KIF7: variants seen among roughly 807,000 people sequenced by gnomAD.
KIF7 encodes kinesin family member 7.
KIF7 carries 104 observed loss-of-function variants against 135.7 expected under a neutral mutation model. The ratio of observed to expected loss-of-function variants is 0.77; its 90% CI spans 0.65 to 0.90. The LOEUF is 0.90. Ranked by LOEUF, KIF7 falls within the 40% of genes least tolerant of loss-of-function variation. The pLI, the probability that KIF7 is intolerant of heterozygous loss-of-function variation, is 0.00. For missense variants in KIF7, 2,005 were observed against 1,839.1 expected (o/e 1.09, Z -1.65); for synonymous variants, 883 against 809.4 (o/e 1.09, Z -1.54).
chr15:89,659,754 T>C (rs899600612), upstream of KIF7, among the ~76,000 whole-genome samples: 1 of 152,218 alleles, frequency 6.6e-6, no homozygotes, highest in Non-Finnish European at 1.5e-5. Context: ...CTGGTGAGAA[T>C]GTCAATCAGA....
chr15:89,642,823 C>A (rs1309265919), intron 10 of KIF7, among the ~76,000 whole-genome samples: 9 of 152,234 alleles, frequency 5.9e-5, no homozygotes, highest in Admixed American at 3.9e-4. Context: ...CCCACCTTGG[C>A]CTCCCAAAGT....
At chr15:89,653,664 G>A (rs968654657) in intron 1 of KIF7, among the ~76,000 whole-genome samples, 1 of 152,152 alleles carries the variant, frequency 6.6e-6, no homozygotes, top group East Asian at 1.9e-4. Flanking sequence ...TGTAGCCAAG[G>A]CTTCCCAGGT....
intron 9 of KIF7, 34 bp from the exon 10 acceptor site, chr15:89,645,199 A>G (rs1963990381): frequency 6.2e-7 from 1 of 1,605,152 alleles, no homozygotes; most frequent in African/African-American, 1.3e-5. Context: ...TTGCTGCCCC[A>G]ACTGACAGTG....
chr15:89,637,401 TGAAAGG>T (rs1963831688), intron 11 of KIF7, among the ~76,000 whole-genome samples: 1 of 151,484 alleles, frequency 6.6e-6, no homozygotes, highest in Admixed American at 6.6e-5. Flanking sequence ...GCTGGTTTTT[TGAAAGG>T]ATCAACAAAA....
At position 89,645,076 on chromosome 15, in the gene KIF7, T is replaced by TAG; in HGVS notation, c.2127_2128insCT (p.Ile710LeufsTer11). The TAG allele has an allele frequency of 6.2e-7, 1 of 1,605,192 alleles. No individual in the cohort carries two copies. Among genetic ancestry groups the TAG allele is most frequent in the Non-Finnish European group, 8.5e-7 (1 of 1,179,964 alleles). On this transcript the variant is annotated frameshift_variant, in exon 10 of 19. Coordinates refer to ENST00000394412, the MANE Select transcript of KIF7 (RefSeq NM_198525.3). LOFTEE classifies it high-confidence loss of function. ...CGGATGTTGATAGCCAGCTCCCGGATCTTCTGCTGGGCCTGGGCCAGCCGC... is the reference window on the plus strand; with the variant it reads ...CGGATGTTGATAGCCAGCTCCCGGATAGCTTCTGCTGGGCCTGGGCCAGCCGC...
At chr15:89,659,066 G>A (rs1964233107), upstream of KIF7, among the ~76,000 whole-genome samples, 2 of 152,092 alleles carry the variant, frequency 1.3e-5, no homozygotes, top group African/African-American at 4.8e-5. Context: ...CGAAGGGAAA[G>A]AGTGGTAATT....
intron 7 of KIF7, among the ~76,000 whole-genome samples, chr15:89,646,385 G>C (rs1964013359): frequency 6.6e-6 from 1 of 152,118 alleles, no homozygotes; most frequent in African/African-American, 2.4e-5. Flanking sequence ...AGATGACCCA[G>C]GCCTAAAAGC....
chr15:89,640,715 T>A (rs1442264633), intron 11 of KIF7, among the ~76,000 whole-genome samples: 1 of 151,652 alleles, frequency 6.6e-6, no homozygotes, highest in African/African-American at 2.4e-5. Flanking sequence ...CCAGGCACAG[T>A]GGCTCATGCC....
chr15:89,622,944 T>C (rs149864536), intron 1 of KIF7, among the ~76,000 whole-genome samples: 10 of 152,284 alleles, frequency 6.6e-5, no homozygotes, highest in East Asian at 3.9e-4. Context: ...ACCAATCACA[T>C]TGTATTTTCA....
intron 3 of KIF7, 71 bp from the exon 4 acceptor site, chr15:89,649,438 G>A (rs1964087169): frequency 4.9e-6 from 7 of 1,420,858 alleles, no homozygotes; most frequent in Non-Finnish European, 6.5e-6. Flanking sequence ...GGCAGGCAGA[G>A]CAGAACTAGC....
chr15:89,641,201 C>T (rs2142015254), intron 11 of KIF7, among the ~76,000 whole-genome samples: 1 of 151,872 alleles, frequency 6.6e-6, no homozygotes, highest in South Asian at 2.1e-4. Context: ...GTCCTCATGA[C>T]AAGAGGAAGA....
intron 10 of KIF7, among the ~76,000 whole-genome samples, chr15:89,643,085 G>A (rs2142018407): frequency 1.3e-5 from 2 of 149,156 alleles, no homozygotes; most frequent in Non-Finnish European, 3.0e-5. Context: ...CCCAAACGTG[G>A]GGTTTGGGAC....
In KIF7 at chr15:89,633,261, C is replaced by A; in HGVS notation, c.2598G>T (p.Leu866=). 2 of 1,568,450 alleles carry A rather than the reference C, an allele frequency of 1.3e-6. No homozygotes were observed. The highest frequency in any genetic ancestry group is 2.3e-5 in the East Asian group (1 of 43,034). ...MSKRQHRVKE[L]ELKHEQQQKI... ...TCTGCTGTTGCTCATGCTTCAGCTCCAGCTCCTGGGTGAGGAGCTCAGTGG... is the reference window on the plus strand; with the variant it reads ...TCTGCTGTTGCTCATGCTTCAGCTCAAGCTCCTGGGTGAGGAGCTCAGTGG... The change falls in exon 13 of 19, where the codon CTG becomes CTT. Residue 866 remains leucine (L), a synonymous_variant. Transcript: ENST00000394412.
At position 89,618,245 on chromosome 15, in the gene KIF7, T is replaced by A. The variant is rs780006636; in HGVS notation, c.181-50A>T. 5.0e-6 allele frequency: 8 copies of A among 1,592,350 alleles called. No individual in the cohort carries two copies. In the East Asian group the frequency reaches 1.8e-4, roughly 36 times the overall value. On this transcript the variant is annotated intron_variant and NMD_transcript_variant, in intron 1 of 2. Coordinates refer to the KIF7 transcript ENST00000558928. ...ATCTCTTTTTGTTTTTAATGCAATC[T>A]ACCCAGCTTCTATGAAAACCTTTCT...
intron 11 of KIF7, among the ~76,000 whole-genome samples, chr15:89,637,569 G>A (rs1463958780): frequency 2.6e-5 from 4 of 151,042 alleles, no homozygotes; most frequent in Non-Finnish European, 5.9e-5. Context: ...AGAAAATCTA[G>A]AAGAAATGGA....
Position 89,652,656 on chromosome 15 carries a change from G to A in KIF7, c.275C>T (p.Ala92Val). The A allele has an allele frequency of 6.5e-7, 1 of 1,550,384 alleles. No homozygotes were observed. The highest frequency in any genetic ancestry group is 8.7e-7 in the Non-Finnish European group (1 of 1,145,774). The change falls in exon 2 of 19, where the codon GCC becomes GTC. Residue 92 changes from alanine (A) to valine (V), a missense_variant. Transcript: ENST00000394412. The stretch of plus-strand genomic sequence containing the variant: ...CTTCCCTGAGCCCGTCTGACCATAG[G>A]CAAAGACAGTGGCATTGAAGCCCTC... ...FFEGFNATVF[A>V]YGQTGSGKTY...
chr15:89,639,677 C>G (rs965988700), intron 11 of KIF7, among the ~76,000 whole-genome samples: 3 of 140,426 alleles, frequency 2.1e-5, no homozygotes, highest in Non-Finnish European at 4.6e-5. Context: ...AATAGGAACA[C>G]TTTTACACTG....
chr15:89,655,516 A>C (rs1320541284), upstream of KIF7: 1 of 147,590 alleles, frequency 6.8e-6, no homozygotes. Flanking sequence ...CCTCACCCGC[A>C]ACTCCGCCCG....
At chr15:89,621,495 G>C (rs201761582) in intron 1 of KIF7, 22 of 1,613,836 alleles carry the variant, frequency 1.4e-5, no homozygotes, top group Non-Finnish European at 1.9e-5. Flanking sequence ...GGTTCAGCTC[G>C]AATGAAAAAG....
Sources: gnomAD v4.1 joint callset for allele counts (sites outside exome capture counted in the v4.1 genomes callset) on GRCh38, gnomAD v4.1.1 for gene constraint, MANE v1.5 for transcripts, NCBI Gene and HGNC (gene_info 2026-07-23, HGNC 2026-07-21) for gene names.